KRIT1: variants seen among roughly 807,000 people sequenced by gnomAD.
KRIT1 encodes krev interaction trapped protein 1.
KRIT1 carries 45 observed loss-of-function variants against 95.8 expected under a neutral mutation model. The observed-to-expected ratio is 0.47, with a 90% CI of 0.37 to 0.60. KRIT1 has a LOEUF of 0.60. KRIT1 is among the 20% of genes least tolerant of loss of function. KRIT1 has a pLI of 0.00. For missense variants in KRIT1, 788 were observed against 877.5 expected (o/e 0.90, Z 1.29); for synonymous variants, 282 against 278.8 (o/e 1.01, Z -0.11).
At chr7:92,225,584 T>A in intron 12 of KRIT1, 136 bp downstream of exon 12, 4 of 669,650 alleles carry the variant, frequency 6.0e-6, no homozygotes, top group Non-Finnish European at 1.1e-5. Flanking sequence ...TGAGCCACCA[T>A]ACCTGGCCTA....
At chr7:92,243,566 A>T (rs1042922537) in intron 3 of KRIT1, among the ~76,000 whole-genome samples, 6 of 152,164 alleles carry the variant, frequency 3.9e-5, no homozygotes, top group Non-Finnish European at 5.9e-5. Flanking sequence ...CGATAGAGTA[A>T]TTTATCCTGT....
intron 5 of KRIT1, among the ~76,000 whole-genome samples, chr7:92,238,162 T>C (rs1585002204): frequency 6.6e-6 from 1 of 152,226 alleles, no homozygotes; most frequent in East Asian, 1.9e-4. Flanking sequence ...TGGCTCTTCA[T>C]TTAATATTTA....
At chr7:92,210,517 T>C (rs1300724860) in intron 17 of KRIT1, among the ~76,000 whole-genome samples, 2 of 152,214 alleles carry the variant, frequency 1.3e-5, no homozygotes, top group African/African-American at 4.8e-5. Flanking sequence ...TCTCTCACCA[T>C]ATACAGAAAT....
In KRIT1 at chr7:92,214,051, A is replaced by G; in HGVS notation, c.1731-72T>C. 3 of 930,704 alleles carry G rather than the reference A, an allele frequency of 3.2e-6. No individual in the cohort carries two copies. The South Asian group carries it at 4.0e-5, about 12-fold the overall frequency. The allele number at this position is 930,704 out of a possible 1,614,324, so 57.7% of individuals were successfully genotyped here. On this transcript the variant is annotated intron_variant, in intron 15 of 18. Transcript: ENST00000394505. ...GCTAAAGTATAGTAATCATTCTGTT[A>G]CAAATGGCTTTCAGTAACGTAATTT...
intron 2 of KRIT1, 27 bp downstream of exon 2, chr7:92,244,875 G>A (rs1446750936): frequency 6.6e-6 from 1 of 152,178 alleles, no homozygotes; most frequent in East Asian, 1.9e-4. Context: ...AGTGGAAGTG[G>A]TCCTTAATTA....
At chr7:92,202,832 G>C (rs1032634003) in intron 17 of KRIT1, among the ~76,000 whole-genome samples, 1 of 152,136 alleles carries the variant, frequency 6.6e-6, no homozygotes, top group African/African-American at 2.4e-5. Context: ...TTTAAAAATG[G>C]CTATCTACAT....
intron 7 of KRIT1, 48 bp from the exon 8 acceptor site, chr7:92,235,694 T>C: frequency 5.0e-6 from 8 of 1,594,806 alleles, no homozygotes; most frequent in Non-Finnish European, 6.9e-6. Flanking sequence ...AAAGTGAAGA[T>C]GAAAAAGATA....
chr7:92,212,136 A>C (rs1008075765), intron 17 of KRIT1, among the ~76,000 whole-genome samples: 1 of 152,110 alleles, frequency 6.6e-6, no homozygotes, highest in Non-Finnish European at 1.5e-5. Context: ...AAAAATGTTT[A>C]AATGTGAAAA....
chr7:92,204,526 C>T (rs1790938064), intron 17 of KRIT1, among the ~76,000 whole-genome samples: 1 of 151,760 alleles, frequency 6.6e-6, no homozygotes, highest in Non-Finnish European at 1.5e-5. Flanking sequence ...TCACTGGGAG[C>T]CCTGAGCTTG....
rs555756539 is a variant in KRIT1, at chr7:92,243,193, C to T, written c.-3+809G>A. 2.6e-5 allele frequency among the ~76,000 whole-genome samples: 4 copies of T among 152,170 alleles called. No homozygotes were observed. The East Asian group carries it at 5.8e-4, about 22-fold the overall frequency. Reference sequence around the variant, plus strand: ...GTGTGTGTTATGCATATACTTTGTCCCACTAAATCTTAAGTCTCCATTGCG... The same window carrying T: ...GTGTGTGTTATGCATATACTTTGTCTCACTAAATCTTAAGTCTCCATTGCG... On this transcript the variant is annotated intron_variant, in intron 3 of 18. Transcript: ENST00000394505.
Position 92,200,341 on chromosome 7 carries a change from T to C in KRIT1, c.*395A>G, listed in dbSNP as rs1387596441. 2 of 272,166 alleles carry C rather than the reference T, an allele frequency of 7.3e-6. No individual in the cohort carries two copies. The highest frequency in any genetic ancestry group is 2.3e-5 in the African/African-American group (1 of 44,258). 16.9% of individuals were successfully genotyped at this position (272,166 alleles called of 1,614,324 possible). A position where few individuals can be genotyped will look rare whatever the true frequency, so the allele number is the denominator to read the frequency against. On this transcript the variant is annotated 3_prime_UTR_variant, in exon 19 of 19. Transcript: ENST00000394505. Reference sequence around the variant, plus strand: ...TACATATATATTACAAGAGACTATATGCCTTGTTGAAAGTAATTTTTTTTT... The same window carrying C: ...TACATATATATTACAAGAGACTATACGCCTTGTTGAAAGTAATTTTTTTTT...
At chr7:92,234,334 G>C in intron 10 of KRIT1, 115 bp downstream of exon 10, 1 of 852,304 alleles carries the variant, frequency 1.2e-6, no homozygotes, top group Non-Finnish European at 1.9e-6. Flanking sequence ...AAACTCCTAA[G>C]GCAAACAGGT....
intron 5 of KRIT1, 24 bp downstream of exon 5, chr7:92,240,969 T>C (rs1799491665): frequency 6.4e-7 from 1 of 1,565,870 alleles, no homozygotes; most frequent in African/African-American, 1.4e-5. Context: ...AAACAATGTG[T>C]TTTTTAAAAA....
chr7:92,213,088 C>T, intron 17 of KRIT1, 107 bp downstream of exon 17: 1 of 727,140 alleles, frequency 1.4e-6, no homozygotes. Context: ...GAATGAGTTG[C>T]AATGAACAGT....
chr7:92,235,497 G>A lies in KRIT1; in HGVS notation c.635C>T (p.Ala212Val), dbSNP rs1318622179. The A allele has an allele frequency of 1.2e-6, 2 of 1,613,034 alleles. No individual in the cohort carries two copies. Among genetic ancestry groups the A allele is most frequent in the African/African-American group, 2.7e-5 (2 of 74,894 alleles). The part of the protein sequence containing the change: ...TENSLHMGYS[A>V]LEIKSKMLAL... ...TAACATTTTACTCTTTATTTCTAGT[G>A]CACTATAGCCCATATGTAGTGAGTT... is the stretch of plus-strand genomic sequence containing the variant. Residue 212 changes from alanine (A) to valine (V), a missense_variant, in exon 8 of 19, where the codon GCA (alanine) becomes GTA (valine). By Grantham distance (64) the Ala-to-Val change is moderately conservative. Transcript: ENST00000394505.
intron 6 of KRIT1, among the ~76,000 whole-genome samples, chr7:92,237,402 C>A (rs1188976700): frequency 6.6e-6 from 1 of 152,048 alleles, no homozygotes; most frequent in African/African-American, 2.4e-5. Flanking sequence ...AACCTGAGCA[C>A]TTTAAATTTC....
At chr7:92,211,242 T>C (rs1792736174) in intron 17 of KRIT1, among the ~76,000 whole-genome samples, 2 of 152,178 alleles carry the variant, frequency 1.3e-5, no homozygotes. Context: ...GCAGCACTAT[T>C]CACAATAGCA....
At chr7:92,243,632 TA>T (rs1371829033) in intron 3 of KRIT1, among the ~76,000 whole-genome samples, 1 of 152,122 alleles carries the variant, frequency 6.6e-6, no homozygotes, top group Non-Finnish European at 1.5e-5. Flanking sequence ...CTTCCCTAAA[TA>T]ATAATTAAAA....
chr7:92,232,318 A>G (rs1797463611), intron 10 of KRIT1, among the ~76,000 whole-genome samples: 1 of 152,174 alleles, frequency 6.6e-6, no homozygotes, highest in Non-Finnish European at 1.5e-5. Context: ...CTATTAGGGA[A>G]GGTACCATTT....
Sources: allele counts gnomAD v4.1 joint callset (sites outside exome capture counted in the v4.1 genomes callset), GRCh38; gene constraint gnomAD v4.1.1; transcripts MANE v1.5; gene names NCBI Gene and HGNC (gene_info 2026-07-23, HGNC 2026-07-21).